Variants in DSCAML1 observed in about 807,000 individuals in gnomAD.
DSCAML1 encodes the protein DS cell adhesion molecule like 1.
Under a neutral mutation model 200.5 loss-of-function variants are expected in DSCAML1, and 38 were observed. The observed-to-expected ratio is 0.19, with a 90% CI of 0.15 to 0.25. The LOEUF is 0.25. Among genes scored for constraint, DSCAML1 ranks in the 10% least tolerant of loss-of-function variants. The probability of loss-of-function intolerance (pLI) is 1.00; values close to 1 mark genes in which losing one functional copy is unlikely to be tolerated. For synonymous variants in DSCAML1, 1,215 were observed against 1,165.0 expected, an observed-to-expected ratio of 1.04 and a Z score of -0.87; for missense variants, 2,223 against 2,858.8, an observed-to-expected ratio of 0.78 and a Z score of 5.07.
At chr11:117,433,091 G>T (rs1315013226) in intron 29 of DSCAML1, 47 bp downstream of exon 29, 2 of 1,547,048 alleles carry the variant, frequency 1.3e-6, no homozygotes, top group Non-Finnish European at 8.9e-7. Context: ...TGTAGCCTGG[G>T]GAAGCACACC....
intron 3 of DSCAML1, among the ~76,000 whole-genome samples, chr11:117,640,297 C>T (rs73590653): frequency 0.074 from 11,217 of 152,256 alleles, 1,153 homozygotes; most frequent in African/African-American, 0.22. Flanking sequence ...TGAGCCAGCC[C>T]TCTGTGGTAA....
At chr11:117,684,032 T>C (rs12279393) in intron 3 of DSCAML1, among the ~76,000 whole-genome samples, 43,138 of 152,026 alleles carry the variant, frequency 0.28, 7,161 homozygotes, top group African/African-American at 0.46. Flanking sequence ...ACCTTGCCTT[T>C]CTTTCTCCCT....
rs540357971 is a variant in DSCAML1, at chr11:117,561,399, G to A, written c.512-28877C>T. Reference sequence around the variant, plus strand: ...TGTGCCAGATGACTCTTCAGACCTCGCTCTGTGATTCTGCCACTCCTGCAC... The same window carrying A: ...TGTGCCAGATGACTCTTCAGACCTCACTCTGTGATTCTGCCACTCCTGCAC... On this transcript the variant is annotated intron_variant, in intron 3 of 32. Transcript: ENST00000651296. Among the ~76,000 whole-genome samples, 15 of 152,260 alleles carry A rather than the reference G, an allele frequency of 9.9e-5. No individual in the cohort carries two copies. In the South Asian group the frequency reaches 2.9e-3, roughly 29 times the overall value.
chr11:117,587,629 C>CCAT (rs1363006130), intron 3 of DSCAML1, among the ~76,000 whole-genome samples: 1 of 152,190 alleles, frequency 6.6e-6, no homozygotes, highest in African/African-American at 2.4e-5. Context: ...CCTTGCATAG[C>CCAT]CATCACTGAG....
rs1592586049 is a variant in DSCAML1, at chr11:117,443,757, T to G, written c.3862+129A>C. ...TTGGTGTGTGCGGGAGGCAGGCGGGTGGCCAGTTCCTCACAGCTGGGTGGC... is the reference window on the plus strand; with the variant it reads ...TTGGTGTGTGCGGGAGGCAGGCGGGGGGCCAGTTCCTCACAGCTGGGTGGC... On this transcript the variant is annotated intron_variant, in intron 21 of 32. Coordinates refer to ENST00000651296, the MANE Select transcript of DSCAML1 (RefSeq NM_020693.4). The G allele has an allele frequency of 9.2e-6, 12 of 1,302,466 alleles. No homozygotes were observed. In the East Asian group the frequency reaches 9.7e-5, roughly 11 times the overall value. 80.7% of individuals were successfully genotyped at this position (1,302,466 alleles called of 1,614,324 possible).
intron 3 of DSCAML1, among the ~76,000 whole-genome samples, chr11:117,578,243 AAAAAAAAAAAAAAGAAG>A (rs2050983940): frequency 6.7e-6 from 1 of 150,266 alleles, no homozygotes; most frequent in African/African-American, 2.4e-5. Context: ...CTCGAAAAAA[AAAAAAAAAAAAAAGAAG>A]AAAAATCTGA....
At chr11:117,536,164 G>C (rs551550048) in intron 3 of DSCAML1, among the ~76,000 whole-genome samples, 7 of 151,602 alleles carry the variant, frequency 4.6e-5, no homozygotes, top group Admixed American at 6.6e-5. Context: ...AGTCCCCTTG[G>C]GGGGGCTTGT....
chr11:117,749,252 G>A (rs977329544), intron 3 of DSCAML1, among the ~76,000 whole-genome samples: 5 of 152,304 alleles, frequency 3.3e-5, no homozygotes, highest in South Asian at 2.1e-4. Flanking sequence ...ATGCTGTGGC[G>A]GAGCTGTGCC....
At chr11:117,739,615 A>G (rs1215507503) in intron 3 of DSCAML1, among the ~76,000 whole-genome samples, 1 of 152,242 alleles carries the variant, frequency 6.6e-6, no homozygotes, top group East Asian at 1.9e-4. Context: ...TTTACCCACT[A>G]GAACCCCACA....
intron 4 of DSCAML1, among the ~76,000 whole-genome samples, chr11:117,531,454 C>G (rs75074207): frequency 2.0e-4 from 30 of 152,116 alleles, no homozygotes; most frequent in African/African-American, 7.0e-4. Flanking sequence ...CTATCCCTCC[C>G]GAGAAGCTAT....
At chr11:117,672,049 C>T (rs1333461160) in intron 3 of DSCAML1, among the ~76,000 whole-genome samples, 3 of 144,778 alleles carry the variant, frequency 2.1e-5, no homozygotes, top group South Asian at 4.4e-4. Flanking sequence ...TACAGTGAGC[C>T]GAGATCGCGC....
chr11:117,681,329 ACT>A (rs2053308968), intron 3 of DSCAML1, among the ~76,000 whole-genome samples: 1 of 152,026 alleles, frequency 6.6e-6, no homozygotes, highest in African/African-American at 2.4e-5. Flanking sequence ...GGGCCCACAA[ACT>A]CAAAAAAATC....
chr11:117,489,115 C>T lies in DSCAML1; in HGVS notation c.2360-6953G>A, dbSNP rs2137242303. ...TTCTTCCACCTCTAAGGGGGCTGGC[C>T]ACCTCTAGCCATCTGTTTGTCTGCC... On this transcript the variant is annotated intron_variant, in intron 11 of 32. Coordinates refer to ENST00000651296, the MANE Select transcript of DSCAML1 (RefSeq NM_020693.4). The surrounding 1 kb of genome is among the most constrained non-coding windows in gnomAD (Gnocchi z 4.8). 6.6e-6 allele frequency among the ~76,000 whole-genome samples: 1 copy of T among 152,324 alleles called. No individual in the cohort carries two copies. Among genetic ancestry groups the T allele is most frequent in the South Asian group, 2.1e-4 (1 of 4,818 alleles).
intron 31 of DSCAML1, 133 bp downstream of exon 31, chr11:117,431,401 G>T: frequency 1.2e-6 from 1 of 823,928 alleles, no homozygotes; most frequent in Non-Finnish European, 1.8e-6. Context: ...TCAGTGACCA[G>T]CTAGACATGA....
chr11:117,721,593 C>T (rs1378533956), intron 3 of DSCAML1, among the ~76,000 whole-genome samples: 2 of 149,714 alleles, frequency 1.3e-5, no homozygotes, highest in Non-Finnish European at 3.0e-5. Context: ...TAAAACTCGT[C>T]ATGTTCCTCT....
Position 117,505,847 on chromosome 11 carries a change from T to TG in DSCAML1, c.1784-116dup. 1 of 1,288,078 alleles carries TG rather than the reference T, an allele frequency of 7.8e-7. No homozygotes were observed. Among genetic ancestry groups the TG allele is most frequent in the Non-Finnish European group, 1.1e-6 (1 of 950,686 alleles). The allele number at this position is 1,288,078 out of a possible 1,614,324, so 79.8% of individuals were successfully genotyped here. ...GGTTGGGCCTTGAACAAAGATCCCCTGGGGCACTGCAGCCTTGTTCTCCTA... is the reference window on the plus strand; with the variant it reads ...GGTTGGGCCTTGAACAAAGATCCCCTGGGGGCACTGCAGCCTTGTTCTCCTA... On this transcript the variant is annotated intron_variant, in intron 8 of 32. Coordinates refer to ENST00000651296, the MANE Select transcript of DSCAML1 (RefSeq NM_020693.4). The surrounding 1 kb of genome is among the most constrained non-coding windows in gnomAD (Gnocchi z 6.7).
At chr11:117,549,304 C>T (rs952160442) in intron 3 of DSCAML1, among the ~76,000 whole-genome samples, 19 of 152,304 alleles carry the variant, frequency 1.2e-4, no homozygotes, top group African/African-American at 3.1e-4. Flanking sequence ...GGTAAAGGCC[C>T]GGCGCATGTT....
At chr11:117,539,606 C>CAAAAAAAAAAAAAAAAAAAAAAAA (rs35130897) in intron 3 of DSCAML1, among the ~76,000 whole-genome samples, 39 of 52,600 alleles carry the variant, frequency 7.4e-4, no homozygotes, top group Non-Finnish European at 9.6e-4. Flanking sequence ...AAAACTCTGT[C>CAAAAAAAAAAAAAAAAAAAAAAAA]AAAAAAAAAA....
At chr11:117,588,131 C>G (rs368162792) in intron 3 of DSCAML1, among the ~76,000 whole-genome samples, 1 of 152,152 alleles carries the variant, frequency 6.6e-6, no homozygotes, top group Non-Finnish European at 1.5e-5. Flanking sequence ...ACTGTCACCC[C>G]GATTTTACAG....
Sources: gnomAD v4.1 joint callset for allele counts (sites outside exome capture counted in the v4.1 genomes callset) on GRCh38, gnomAD v4.1.1 for gene constraint, Gnocchi (gnomAD v3.1) non-coding constraint, MANE v1.5 for transcripts, NCBI Gene and HGNC (gene_info 2026-07-23, HGNC 2026-07-21) for gene names.